Variants in PPP1R13B observed in about 807,000 individuals in gnomAD.
PPP1R13B encodes apoptosis-stimulating of p53 protein 1.
Under a neutral mutation model 119.8 loss-of-function variants are expected in PPP1R13B, and 44 were observed. The observed-to-expected ratio is 0.37, with a 90% confidence interval of 0.29 to 0.47. PPP1R13B has a LOEUF of 0.47. Ranked by LOEUF, PPP1R13B falls within the 20% of genes least tolerant of loss-of-function variation. PPP1R13B has a pLI of 0.99. For missense variants in PPP1R13B, 1,227 were observed against 1,413.5 expected (o/e 0.87, Z 2.12); for synonymous variants, 542 against 561.5 (o/e 0.97, Z 0.49).
chr14:103,813,123 C>T (rs1382002627), intron 1 of PPP1R13B, among the ~76,000 whole-genome samples: 1 of 152,122 alleles, frequency 6.6e-6, no homozygotes, highest in African/African-American at 2.4e-5. Context: ...CAGCTTTGTT[C>T]ATAATTGCCA....
chr14:103,739,046 T>G (rs2084182172), intron 12 of PPP1R13B, 23 bp from the exon 13 acceptor site: 6 of 1,604,354 alleles, frequency 3.7e-6, no homozygotes, highest in Non-Finnish European at 5.1e-6. Flanking sequence ...AAGCACGCTT[T>G]CCAGTTAAAG....
intron 4 of PPP1R13B, among the ~76,000 whole-genome samples, chr14:103,769,088 T>C (rs1276570534): frequency 2.0e-5 from 3 of 152,110 alleles, no homozygotes; most frequent in Non-Finnish European, 4.4e-5. Flanking sequence ...ACTGATCTTT[T>C]TTCTTTCTGT....
intron 6 of PPP1R13B, 94 bp downstream of exon 6, chr14:103,753,976 T>C: frequency 7.0e-7 from 1 of 1,435,886 alleles, no homozygotes; most frequent in Admixed American, 2.1e-5. Flanking sequence ...TTTAGTCCTG[T>C]GAATTTGTGA....
At chr14:103,812,401 G>A (rs1265558719) in intron 1 of PPP1R13B, among the ~76,000 whole-genome samples, 3 of 150,500 alleles carry the variant, frequency 2.0e-5, no homozygotes, top group African/African-American at 4.9e-5. Context: ...TGGGATTACA[G>A]GCGTGAGCCA....
Position 103,814,949 on chromosome 14 carries a change from A to G in PPP1R13B, c.10-17431T>C, listed in dbSNP as rs543752318. On this transcript the variant is annotated intron_variant, in intron 1 of 16. Transcript: ENST00000202556. ...GACAGAGCAAGACTCCGTCTCACAAAAAAAAACAAAAGGAAAGAAAAAAAA... is the reference window on the plus strand; with the variant it reads ...GACAGAGCAAGACTCCGTCTCACAAGAAAAAACAAAAGGAAAGAAAAAAAA... 7.2e-5 allele frequency among the ~76,000 whole-genome samples: 11 copies of G among 152,282 alleles called. No homozygotes were observed. In the East Asian group the frequency reaches 2.1e-3, roughly 29 times the overall value.
chr14:103,814,889 G>C (rs1433859232), intron 1 of PPP1R13B, among the ~76,000 whole-genome samples: 3 of 151,836 alleles, frequency 2.0e-5, no homozygotes, highest in Admixed American at 1.3e-4. Flanking sequence ...AGCTTGCAGT[G>C]AGCCAAGATC....
intron 7 of PPP1R13B, among the ~76,000 whole-genome samples, chr14:103,750,772 A>G (rs1053915827): frequency 2.0e-5 from 3 of 151,824 alleles, no homozygotes; most frequent in African/African-American, 7.3e-5. Context: ...CGGTGGTTGC[A>G]GTGAGCTGAG....
chr14:103,834,278 A>G (rs1414840504), intron 1 of PPP1R13B, among the ~76,000 whole-genome samples: 1 of 152,188 alleles, frequency 6.6e-6, no homozygotes, highest in Admixed American at 6.6e-5. Flanking sequence ...TGGGAGGCTG[A>G]GGCACGAGAA....
At chr14:103,838,588 A>G (rs574355585) in intron 1 of PPP1R13B, among the ~76,000 whole-genome samples, 20 of 152,374 alleles carry the variant, frequency 1.3e-4, no homozygotes, top group African/African-American at 3.8e-4. Flanking sequence ...TTTATAGCAC[A>G]TGAATTATAC....
chr14:103,740,061 AGGCTCAGCGGGGAGTGG>A lies in PPP1R13B; in HGVS notation c.2338_2354del (p.Pro780CysfsTer8). 6.2e-7 allele frequency: 1 copy of A among 1,613,938 alleles called. No individual in the cohort carries two copies. The highest frequency in any genetic ancestry group is 1.1e-5 in the South Asian group (1 of 91,076). On this transcript the variant is annotated frameshift_variant, in exon 12 of 17. Transcript: ENST00000202556. LOFTEE classifies it high-confidence loss of function. The surrounding 1 kb of genome is among the most constrained non-coding windows in gnomAD (Gnocchi z 4.6). The stretch of plus-strand genomic sequence containing the variant: ...TATCATTGGCATCTGATGACGGGGC[AGGCTCAGCGGGGAGTGG>A]GGCTGTGGGCTGGGCAGGGGGGAGC...
intron 1 of PPP1R13B, among the ~76,000 whole-genome samples, chr14:103,844,596 G>A (rs1243017288): frequency 6.6e-6 from 1 of 152,078 alleles, no homozygotes; most frequent in Non-Finnish European, 1.5e-5. Flanking sequence ...AGGCAGGATG[G>A]AGGGTGCCTG....
At chr14:103,809,710 C>T (rs1037319173) in intron 1 of PPP1R13B, among the ~76,000 whole-genome samples, 3 of 151,854 alleles carry the variant, frequency 2.0e-5, no homozygotes, top group Non-Finnish European at 4.4e-5. Flanking sequence ...TAGTCCCAGA[C>T]ACGTGGGGGG....
chr14:103,798,387 C>T (rs1343517291), intron 1 of PPP1R13B, among the ~76,000 whole-genome samples: 1 of 151,902 alleles, frequency 6.6e-6, no homozygotes, highest in East Asian at 1.9e-4. Flanking sequence ...CTCCCGACCT[C>T]GTGATCCACC....
intron 4 of PPP1R13B, among the ~76,000 whole-genome samples, chr14:103,778,370 T>C (rs1240515364): frequency 6.7e-6 from 1 of 150,290 alleles, no homozygotes; most frequent in East Asian, 2.0e-4. Context: ...CCAGCAATTC[T>C]CCTGCCTCAG....
intron 1 of PPP1R13B, among the ~76,000 whole-genome samples, chr14:103,838,873 T>A (rs1298328318): frequency 6.6e-6 from 1 of 152,172 alleles, no homozygotes; most frequent in African/African-American, 2.4e-5. Context: ...AATGCCAGCA[T>A]CCATATTTAA....
chr14:103,790,184 T>C (rs565990270), intron 2 of PPP1R13B, among the ~76,000 whole-genome samples: 9 of 149,272 alleles, frequency 6.0e-5, no homozygotes, highest in Non-Finnish European at 1.2e-4. Context: ...AGGCAGAGGT[T>C]GCAGTGAGCC....
At chr14:103,847,612 A>T (rs1004550494), upstream of PPP1R13B, 3 of 984,776 alleles carry the variant, frequency 3.0e-6, no homozygotes, top group South Asian at 4.5e-5. Flanking sequence ...CAGCCCCCGC[A>T]GGCCCCGCCC....
At chr14:103,745,495 G>A (rs1296339564) in intron 9 of PPP1R13B, among the ~76,000 whole-genome samples, 1 of 152,246 alleles carries the variant, frequency 6.6e-6, no homozygotes, top group Non-Finnish European at 1.5e-5. Context: ...TTGCAAGGAA[G>A]CCCCAACACT....
intron 15 of PPP1R13B, 116 bp from the exon 16 acceptor site, chr14:103,736,318 C>T (rs2084110397): frequency 9.2e-7 from 1 of 1,092,736 alleles, no homozygotes; most frequent in East Asian, 2.4e-5. Context: ...GCAGGCCCCA[C>T]AGAGGCCAGC....
Sources: allele counts gnomAD v4.1 joint callset (sites outside exome capture counted in the v4.1 genomes callset), GRCh38; gene constraint gnomAD v4.1.1; non-coding constraint Gnocchi (gnomAD v3.1); transcripts MANE v1.5; gene names NCBI Gene and HGNC (gene_info 2026-07-23, HGNC 2026-07-21).